Variants in SPIDR observed in about 807,000 individuals in gnomAD.
SPIDR encodes the protein scaffold protein involved in DNA repair, also known as DNA repair-scaffolding protein.
Under a neutral mutation model 104.6 loss-of-function variants are expected in SPIDR, and 93 were observed. That is an observed-to-expected ratio of 0.89 (90% CI 0.75 to 1.06). The LOEUF (loss-of-function observed/expected upper bound fraction) is 1.06, where lower values mean the gene tolerates loss of function less well. SPIDR is among the 50% of genes least tolerant of loss of function. The pLI, the probability that SPIDR is intolerant of heterozygous loss-of-function variation, is 0.00. For missense variants in SPIDR, 1,154 were observed against 1,111.2 expected (o/e 1.04, Z -0.55); for synonymous variants, 431 against 416.9 (o/e 1.03, Z -0.41).
intron 8 of SPIDR, among the ~76,000 whole-genome samples, chr8:47,554,442 C>G (rs1320435640): frequency 1.3e-5 from 2 of 152,180 alleles, no homozygotes; most frequent in Non-Finnish European, 2.9e-5. Flanking sequence ...ACTCAAGCCT[C>G]AGCAATGGCA....
chr8:47,725,970 C>A (rs772484006), intron 16 of SPIDR, among the ~76,000 whole-genome samples: 13 of 152,204 alleles, frequency 8.5e-5, no homozygotes, highest in Non-Finnish European at 1.5e-4. Context: ...AGTGAGTGGG[C>A]CTTTGGTGGG....
At chr8:47,550,237 T>G (rs1297985952) in intron 8 of SPIDR, among the ~76,000 whole-genome samples, 4 of 152,190 alleles carry the variant, frequency 2.6e-5, no homozygotes, top group Non-Finnish European at 4.4e-5. Flanking sequence ...TAGGATTGTC[T>G]TTGCTATGCA....
At chr8:47,667,812 C>T (rs1315945492) in intron 10 of SPIDR, 1 of 151,970 alleles carries the variant, frequency 6.6e-6, no homozygotes, top group Non-Finnish European at 1.5e-5. Context: ...TGGAAAGCTA[C>T]AGAGAAGATT....
At chr8:47,461,667 C>T (rs2154353323) in intron 8 of SPIDR, among the ~76,000 whole-genome samples, 1 of 151,806 alleles carries the variant, frequency 6.6e-6, no homozygotes, top group African/African-American at 2.4e-5. Context: ...ATTCAAAAAC[C>T]TTGTCTTTGA....
intron 10 of SPIDR, among the ~76,000 whole-genome samples, chr8:47,627,077 C>T (rs2451388): frequency 3.3e-5 from 5 of 152,108 alleles, no homozygotes; most frequent in South Asian, 2.1e-4. Context: ...GATGAGTTCA[C>T]GTCCTTTGTA....
chr8:47,460,335 A>G (rs557940134), intron 8 of SPIDR, among the ~76,000 whole-genome samples: 2 of 152,270 alleles, frequency 1.3e-5, no homozygotes, highest in South Asian at 2.1e-4. Flanking sequence ...GGTGCATAGA[A>G]TATTTAGGAT....
intron 14 of SPIDR, among the ~76,000 whole-genome samples, chr8:47,712,383 A>G (rs1274060104): frequency 6.6e-6 from 1 of 152,182 alleles, no homozygotes; most frequent in Admixed American, 6.5e-5. Context: ...CAGGAGGAAA[A>G]GAACAATGGA....
intron 10 of SPIDR, among the ~76,000 whole-genome samples, chr8:47,626,541 A>G (rs2066146427): frequency 6.6e-6 from 1 of 152,226 alleles, no homozygotes; most frequent in Non-Finnish European, 1.5e-5. Context: ...CAAATTTACA[A>G]GAAAAAAACA....
At chr8:47,680,032 C>T (rs982056881) in intron 11 of SPIDR, among the ~76,000 whole-genome samples, 1 of 152,170 alleles carries the variant, frequency 6.6e-6, no homozygotes, top group East Asian at 1.9e-4. Context: ...CGACCCATTA[C>T]TGTATGCGGT....
chr8:47,422,106 TG>T, intron 7 of SPIDR, among the ~76,000 whole-genome samples: 1 of 152,194 alleles, frequency 6.6e-6, no homozygotes, highest in East Asian at 1.9e-4. Context: ...TCCAGCTGCG[TG>T]CTGGGAGAAC....
intron 5 of SPIDR, among the ~76,000 whole-genome samples, chr8:47,301,102 A>G (rs1325974088): frequency 2.0e-5 from 3 of 152,082 alleles, no homozygotes; most frequent in African/African-American, 7.2e-5. Flanking sequence ...GTAGGTCTCT[A>G]AGGACTTGCT....
chr8:47,421,201 G>A (rs1554680175), intron 7 of SPIDR, among the ~76,000 whole-genome samples: 2 of 152,364 alleles, frequency 1.3e-5, no homozygotes, highest in African/African-American at 4.8e-5. Flanking sequence ...ATCCTGCAGA[G>A]TGTTTTCCAA....
chr8:47,535,979 T>G (rs1452342550), intron 8 of SPIDR, among the ~76,000 whole-genome samples: 1 of 152,116 alleles, frequency 6.6e-6, no homozygotes, highest in Admixed American at 6.5e-5. Flanking sequence ...GGCTGCAGAA[T>G]ATGTTAATAT....
intron 3 of SPIDR, among the ~76,000 whole-genome samples, chr8:47,284,327 T>G (rs992670373): frequency 2.7e-4 from 41 of 152,340 alleles, no homozygotes; most frequent in African/African-American, 8.9e-4. Context: ...ATTTTTTGTG[T>G]GTCCTTCCTA....
chr8:47,440,244 T>A, intron 7 of SPIDR, 79 bp from the exon 8 acceptor site: 3 of 1,326,498 alleles, frequency 2.3e-6, no homozygotes, highest in Non-Finnish European at 3.2e-6. Flanking sequence ...GTGGATCTTT[T>A]TTTCATGACA....
chr8:47,721,069 C>T (rs1287515719), intron 16 of SPIDR, among the ~76,000 whole-genome samples: 1 of 152,050 alleles, frequency 6.6e-6, no homozygotes, highest in Non-Finnish European at 1.5e-5. Context: ...TTTTCATACT[C>T]TTAATAAGTC....
intron 2 of SPIDR, among the ~76,000 whole-genome samples, chr8:47,280,636 A>G (rs1352872873): frequency 6.6e-6 from 1 of 151,888 alleles, no homozygotes; most frequent in Non-Finnish European, 1.5e-5. Flanking sequence ...CAGGTAATCC[A>G]CCCACCTTGG....
At chr8:47,273,376 G>A (rs1035192951) in intron 1 of SPIDR, among the ~76,000 whole-genome samples, 12 of 152,164 alleles carry the variant, frequency 7.9e-5, no homozygotes, top group African/African-American at 2.9e-4. Flanking sequence ...ATGAAGAGAT[G>A]GATAGAGCAA....
At chr8:47,397,063 G>T (rs908356991) in intron 6 of SPIDR, among the ~76,000 whole-genome samples, 4 of 152,302 alleles carry the variant, frequency 2.6e-5, no homozygotes, top group African/African-American at 4.8e-5. Flanking sequence ...TACAGTGTCA[G>T]TCAGGGGCTG....
Sources: allele counts gnomAD v4.1 joint callset (sites outside exome capture counted in the v4.1 genomes callset), GRCh38; gene constraint gnomAD v4.1.1; transcripts MANE v1.5; gene names NCBI Gene and HGNC (gene_info 2026-07-23, HGNC 2026-07-21).